PTCHD4: variants seen among roughly 807,000 people sequenced by gnomAD.
The protein encoded by PTCHD4 is patched domain-containing protein 4.
PTCHD4 carries 33 observed loss-of-function variants against 58.1 expected under a neutral mutation model. The observed-to-expected ratio is 0.57, with a 90% confidence interval of 0.43 to 0.76. PTCHD4 has a LOEUF of 0.76. PTCHD4 is among the 30% of genes least tolerant of loss of function. The pLI is 0.00. For missense variants in PTCHD4, 1,058 were observed against 1,027.1 expected (o/e 1.03, Z -0.41); for synonymous variants, 478 against 409.6 (o/e 1.17, Z -2.02).
chr6:47,931,504 C>T (rs192253258), intron 4 of PTCHD4, among the ~76,000 whole-genome samples: 4 of 152,086 alleles, frequency 2.6e-5, no homozygotes, highest in African/African-American at 9.7e-5. Context: ...AATAAAGGAG[C>T]ACATTTGTAG....
intron 4 of PTCHD4, among the ~76,000 whole-genome samples, chr6:47,928,658 T>C (rs1262835083): frequency 2.0e-5 from 3 of 152,252 alleles, no homozygotes; most frequent in Non-Finnish European, 2.9e-5. Context: ...TATAGCTATA[T>C]GCTATTGTAT....
At chr6:47,903,990 C>T (rs1418944012) in intron 4 of PTCHD4, among the ~76,000 whole-genome samples, 1 of 152,078 alleles carries the variant, frequency 6.6e-6, no homozygotes, top group Non-Finnish European at 1.5e-5. Flanking sequence ...GAGAAAACCT[C>T]AAGGGCAAAG....
intron 1 of PTCHD4, among the ~76,000 whole-genome samples, chr6:48,086,596 T>C (rs985724331): frequency 6.6e-5 from 10 of 152,190 alleles, no homozygotes; most frequent in Admixed American, 6.5e-4. Context: ...TACTCACTTA[T>C]TTTTCAGAGC....
chr6:48,013,195 G>T (rs1762745715), intron 3 of PTCHD4, among the ~76,000 whole-genome samples: 1 of 152,032 alleles, frequency 6.6e-6, no homozygotes, highest in Non-Finnish European at 1.5e-5. Flanking sequence ...CTGTGAATCA[G>T]TCTGGTCCTG....
At chr6:48,034,798 A>G (rs1457479562) in intron 3 of PTCHD4, among the ~76,000 whole-genome samples, 1 of 152,082 alleles carries the variant, frequency 6.6e-6, no homozygotes, top group Non-Finnish European at 1.5e-5. Context: ...TCACTCCTTA[A>G]TCTCCTCACT....
intron 4 of PTCHD4, among the ~76,000 whole-genome samples, chr6:48,003,474 C>T (rs1407133977): frequency 1.3e-5 from 2 of 152,152 alleles, no homozygotes; most frequent in Non-Finnish European, 2.9e-5. Flanking sequence ...CCTGTCAATT[C>T]TATTTTCAAA....
intron 4 of PTCHD4, among the ~76,000 whole-genome samples, chr6:47,916,055 G>A (rs1765232526): frequency 6.6e-6 from 1 of 152,146 alleles, no homozygotes; most frequent in African/African-American, 2.4e-5. Flanking sequence ...GAAGCTGTGA[G>A]TGTGAGCAAA....
intron 1 of PTCHD4, among the ~76,000 whole-genome samples, chr6:48,080,422 G>A (rs527359001): frequency 1.8e-4 from 28 of 152,256 alleles, no homozygotes; most frequent in African/African-American, 4.6e-4. Flanking sequence ...GTGATGAAAC[G>A]TCTTTCTGTG....
At position 47,875,479 on chromosome 6, in the gene PTCHD4, C is replaced by G. The variant is rs1412228982; in HGVS notation, c.*2824G>C. ...AGGATTAAATTACTTCCTAGGACTG[C>G]ATTAAGACACTTTAGGTGGTATATT... On this transcript the variant is annotated 3_prime_UTR_variant, in exon 5 of 5. Coordinates refer to ENST00000339488, the MANE Select transcript of PTCHD4 (RefSeq NM_001384253.1). Among the ~76,000 whole-genome samples the G allele has an allele frequency of 6.6e-6, 1 of 151,800 alleles. No individual in the cohort carries two copies. The highest frequency in any genetic ancestry group is 1.5e-5 in the Non-Finnish European group (1 of 67,856).
intron 3 of PTCHD4, among the ~76,000 whole-genome samples, chr6:48,058,331 G>A (rs1022713157): frequency 2.6e-5 from 4 of 152,174 alleles, no homozygotes; most frequent in Admixed American, 6.5e-5. Flanking sequence ...GCTGGTCCAA[G>A]GACTACACTT....
intron 1 of PTCHD4, among the ~76,000 whole-genome samples, chr6:48,086,510 T>G (rs1393432626): frequency 4.7e-5 from 5 of 106,394 alleles, no homozygotes; most frequent in Admixed American, 2.0e-4. Flanking sequence ...CCAATTTCTG[T>G]TTTTTTTTCC....
chr6:48,061,445 C>A (rs1468201316), intron 3 of PTCHD4, among the ~76,000 whole-genome samples: 1 of 152,166 alleles, frequency 6.6e-6, no homozygotes, highest in African/African-American at 2.4e-5. Flanking sequence ...TTTCTTATGG[C>A]ATATTCAGTC....
At chr6:47,896,907 T>G (rs1764544348) in intron 4 of PTCHD4, among the ~76,000 whole-genome samples, 1 of 152,192 alleles carries the variant, frequency 6.6e-6, no homozygotes. Flanking sequence ...CTTACTCCAG[T>G]GTAAGGAGAC....
intron 4 of PTCHD4, among the ~76,000 whole-genome samples, chr6:47,985,183 T>G (rs1322792440): frequency 1.3e-5 from 2 of 152,120 alleles, no homozygotes; most frequent in Non-Finnish European, 2.9e-5. Flanking sequence ...TAGCTTCCAT[T>G]CTTACTACTC....
Position 48,105,991 on chromosome 6 carries a change from G to A in PTCHD4, c.-970+5058C>T, listed in dbSNP as rs183026486. Among the ~76,000 whole-genome samples, 121 of 152,268 alleles carry A rather than the reference G, an allele frequency of 7.9e-4. 5 individuals are homozygous for A. Among genetic ancestry groups the A allele is most frequent in the African/African-American group, 2.8e-3 (116 of 41,548 alleles). On this transcript the variant is annotated intron_variant, in intron 1 of 4. Coordinates refer to ENST00000339488, the MANE Select transcript of PTCHD4 (RefSeq NM_001384253.1). ...CCAACCAAAAAAAAGTCCAGGACAA[G>A]ATGGATTCACAGCCAAATTCTACCA...
At chr6:47,976,300 G>C (rs148161046) in intron 4 of PTCHD4, among the ~76,000 whole-genome samples, 6 of 152,198 alleles carry the variant, frequency 3.9e-5, no homozygotes, top group Admixed American at 3.3e-4. Flanking sequence ...TATCCTATCT[G>C]CTGAAAGTCT....
At chr6:47,996,196 G>T (rs899768980) in intron 4 of PTCHD4, among the ~76,000 whole-genome samples, 1 of 152,242 alleles carries the variant, frequency 6.6e-6, no homozygotes, top group Middle Eastern at 3.4e-3. Flanking sequence ...GGCTGGGCGC[G>T]GTGGCTCATG....
In PTCHD4 at chr6:47,907,929, G is replaced by T. The variant is rs532791107; in HGVS notation, c.899-27993C>A. Among the ~76,000 whole-genome samples, 9 of 152,234 alleles carry T rather than the reference G, an allele frequency of 5.9e-5. No homozygotes were observed. In the East Asian group the frequency reaches 1.6e-3, roughly 26 times the overall value. On this transcript the variant is annotated intron_variant, in intron 4 of 4. Transcript: ENST00000339488. ...TCCCTCTATCAATTAGTTAGAAGGG[G>T]AGGATTTTGGAGAGGAGGAAGCTGG...
At chr6:48,075,385 T>C (rs1279690803) in intron 1 of PTCHD4, among the ~76,000 whole-genome samples, 1 of 152,032 alleles carries the variant, frequency 6.6e-6, no homozygotes, top group Non-Finnish European at 1.5e-5. Flanking sequence ...TATTTTTCTA[T>C]GGTGGAAAGT....
Sources: gnomAD v4.1 joint callset for allele counts (sites outside exome capture counted in the v4.1 genomes callset) on GRCh38, gnomAD v4.1.1 for gene constraint, MANE v1.5 for transcripts, NCBI Gene and HGNC (gene_info 2026-07-23, HGNC 2026-07-21) for gene names.